The following UXS1 variants were observed in gnomAD, a reference collection of about 807,000 sequenced individuals.
The protein encoded by UXS1 is UDP-glucuronate decarboxylase 1.
Under a neutral mutation model 62.6 loss-of-function variants are expected in UXS1, and 33 were observed. The ratio of observed to expected loss-of-function variants is 0.53; its 90% confidence interval spans 0.40 to 0.70. UXS1 has a LOEUF of 0.70. Among genes scored for constraint, UXS1 ranks in the 30% least tolerant of loss-of-function variants. UXS1 has a pLI of 0.00. For missense variants in UXS1, 434 were observed against 556.3 expected, an observed-to-expected ratio of 0.78 and a Z score of 2.21; for synonymous variants, 213 against 206.8, an observed-to-expected ratio of 1.03 and a Z score of -0.26.
At chr2:106,149,888 G>A (rs117489184) in intron 5 of UXS1, among the ~76,000 whole-genome samples, 7 of 152,168 alleles carry the variant, frequency 4.6e-5, no homozygotes, top group African/African-American at 1.7e-4. Flanking sequence ...GGGAAGTCTA[G>A]AACTTCTTAG....
chr2:106,151,387 G>A (rs904594977), intron 5 of UXS1, among the ~76,000 whole-genome samples: 1 of 152,126 alleles, frequency 6.6e-6, no homozygotes, highest in Non-Finnish European at 1.5e-5. Flanking sequence ...CTAATGAGAA[G>A]TTATTGGGCT....
In UXS1 at chr2:106,098,793, C is replaced by T. The variant is rs774666094; in HGVS notation, c.985-20G>A. 1 of 1,607,436 alleles carries T rather than the reference C, an allele frequency of 6.2e-7. No individual in the cohort carries two copies. Among genetic ancestry groups the T allele is most frequent in the South Asian group, 1.1e-5 (1 of 90,002 alleles). On this transcript the variant is annotated intron_variant, in intron 12 of 14. Coordinates refer to ENST00000283148, the MANE Select transcript of UXS1 (RefSeq NM_001253875.2). ...GTTCCCCTAAGAAAGAAACGGTTTC[C>T]AGTTATAAGCGTCATGACAACAGCA...
At chr2:106,100,231 AT>A (rs1677481898) in intron 12 of UXS1, among the ~76,000 whole-genome samples, 1 of 152,198 alleles carries the variant, frequency 6.6e-6, no homozygotes, top group Non-Finnish European at 1.5e-5. Context: ...GAAACCTTGC[AT>A]TTTAAATGAG....
intron 5 of UXS1, among the ~76,000 whole-genome samples, chr2:106,155,495 C>T (rs1682357805): frequency 6.6e-6 from 1 of 152,230 alleles, no homozygotes; most frequent in Admixed American, 6.5e-5. Flanking sequence ...TCTAGTCCTG[C>T]AAGCTCCATT....
intron 1 of UXS1, among the ~76,000 whole-genome samples, chr2:106,193,327 A>G (rs1685051299): frequency 6.6e-6 from 1 of 152,150 alleles, no homozygotes; most frequent in Non-Finnish European, 1.5e-5. Context: ...CTACTTGGTA[A>G]CGTATTAATA....
chr2:106,105,354 G>A (rs1677968514), intron 10 of UXS1, among the ~76,000 whole-genome samples: 1 of 152,024 alleles, frequency 6.6e-6, no homozygotes, highest in Admixed American at 6.5e-5. Context: ...AGGCCAAGGT[G>A]GAGAGGCATG....
intron 6 of UXS1, among the ~76,000 whole-genome samples, chr2:106,142,162 A>G (rs7562191): frequency 0.95 from 144,624 of 152,158 alleles, 68,835 homozygotes; most frequent in Non-Finnish European, 0.98. Context: ...GTGAGCCACC[A>G]TGCCCAGCCA....
intron 1 of UXS1, among the ~76,000 whole-genome samples, chr2:106,175,902 C>A (rs985864635): frequency 1.3e-5 from 2 of 152,192 alleles, no homozygotes; most frequent in African/African-American, 4.8e-5. Context: ...GTTGGTTAAG[C>A]AGTGAAACAT....
At chr2:106,097,443 C>G (rs1326017019) in intron 13 of UXS1, 1 of 347,978 alleles carries the variant, frequency 2.9e-6, no homozygotes, top group Non-Finnish European at 5.7e-6. Flanking sequence ...TTCCCTGCCT[C>G]CGTGTCATGG....
chr2:106,183,305 A>C (rs1684362472), intron 1 of UXS1: 2 of 152,056 alleles, frequency 1.3e-5, no homozygotes, highest in African/African-American at 4.8e-5. Flanking sequence ...TCTAACTTAG[A>C]ACCAGCAGGC....
intron 5 of UXS1, among the ~76,000 whole-genome samples, chr2:106,157,235 C>A (rs1682510236): frequency 6.6e-6 from 1 of 151,388 alleles, no homozygotes; most frequent in East Asian, 1.9e-4. Context: ...TAAGGGTGAA[C>A]TGTATGGTAT....
chr2:106,151,005 C>A (rs1180064513), intron 5 of UXS1, among the ~76,000 whole-genome samples: 1 of 152,192 alleles, frequency 6.6e-6, no homozygotes, highest in African/African-American at 2.4e-5. Context: ...TACTTGGGAC[C>A]AGTTACCCTG....
At chr2:106,144,261 C>T (rs1681378244) in intron 6 of UXS1, among the ~76,000 whole-genome samples, 1 of 152,160 alleles carries the variant, frequency 6.6e-6, no homozygotes, top group Admixed American at 6.5e-5. Context: ...AAACAGATTA[C>T]ATAATTAAAC....
intron 9 of UXS1, among the ~76,000 whole-genome samples, chr2:106,113,816 C>G (rs1010106208): frequency 6.6e-6 from 1 of 152,236 alleles, no homozygotes; most frequent in Non-Finnish European, 1.5e-5. Context: ...CTGCCCAGGC[C>G]TGCCACTGAC....
At position 106,178,465 on chromosome 2, in the gene UXS1, T is replaced by C. The variant is rs1389430613; in HGVS notation, c.95-12382A>G. Among the ~76,000 whole-genome samples, 5 of 152,076 alleles carry C rather than the reference T, an allele frequency of 3.3e-5. 1 individual carries two copies. On this transcript the variant is annotated intron_variant, in intron 1 of 14. Coordinates refer to ENST00000283148, the MANE Select transcript of UXS1 (RefSeq NM_001253875.2). The stretch of plus-strand genomic sequence containing the variant: ...ATGTATATATGTATGTGTGTGTATA[T>C]ACATACAAGTGTGTGTATATATATA...
chr2:106,102,882 T>C (rs918849803), intron 11 of UXS1: 7 of 152,238 alleles, frequency 4.6e-5, no homozygotes, highest in African/African-American at 1.7e-4. Context: ...TGAAGCCTCA[T>C]CATCTCAGAC....
chr2:106,161,885 G>C (rs756508006), intron 4 of UXS1, among the ~76,000 whole-genome samples: 2 of 152,104 alleles, frequency 1.3e-5, no homozygotes, highest in Non-Finnish European at 2.9e-5. Flanking sequence ...AATATAACCT[G>C]TAACTTCCAA....
At chr2:106,181,763 A>G (rs1281502687) in intron 1 of UXS1, among the ~76,000 whole-genome samples, 1 of 152,222 alleles carries the variant, frequency 6.6e-6, no homozygotes, top group African/African-American at 2.4e-5. Flanking sequence ...GTTAAGAAGA[A>G]AAAGTAAATT....
chr2:106,144,632 A>T lies in UXS1; in HGVS notation c.472+558T>A, dbSNP rs1370213500. Among the ~76,000 whole-genome samples the T allele has an allele frequency of 2.6e-5, 4 of 152,266 alleles. No individual in the cohort carries two copies. The East Asian group carries it at 7.7e-4, about 29-fold the overall frequency. ...TAGTAACCAAAGAAATGTACATTGAACCAATGGTTTTCTATCAAATTAGCA... is the reference window on the plus strand; with the variant it reads ...TAGTAACCAAAGAAATGTACATTGATCCAATGGTTTTCTATCAAATTAGCA... On this transcript the variant is annotated intron_variant, in intron 6 of 14. Coordinates refer to ENST00000283148, the MANE Select transcript of UXS1 (RefSeq NM_001253875.2).
Sources: gnomAD v4.1 joint callset for allele counts (sites outside exome capture counted in the v4.1 genomes callset) on GRCh38, gnomAD v4.1.1 for gene constraint, MANE v1.5 for transcripts, NCBI Gene and HGNC (gene_info 2026-07-23, HGNC 2026-07-21) for gene names.